Variants in CCDC85A observed in about 807,000 individuals in gnomAD.
CCDC85A encodes the protein coiled-coil domain-containing protein 85A.
CCDC85A carries 38 observed loss-of-function variants against 50.2 expected under a neutral mutation model. The ratio of observed to expected loss-of-function variants is 0.76; its 90% confidence interval spans 0.58 to 0.99. The LOEUF (loss-of-function observed/expected upper bound fraction) is 0.99. Among genes scored for constraint, CCDC85A ranks in the 50% least tolerant of loss-of-function variants. The probability of loss-of-function intolerance (pLI) is 0.00; values close to 1 mark genes in which losing one functional copy is unlikely to be tolerated. For missense variants in CCDC85A, 820 were observed against 742.0 expected, an observed-to-expected ratio of 1.11 and a Z score of -1.22; for synonymous variants, 366 against 301.4, an observed-to-expected ratio of 1.21 and a Z score of -2.22.
At chr2:56,361,617 A>G (rs1675530801) in intron 3 of CCDC85A, among the ~76,000 whole-genome samples, 1 of 152,234 alleles carries the variant, frequency 6.6e-6, no homozygotes, top group African/African-American at 2.4e-5. Context: ...GGAAAAGAGT[A>G]TTCCTGGAAG....
chr2:56,231,316 GA>G (rs1291615602), intron 2 of CCDC85A, among the ~76,000 whole-genome samples: 1 of 152,212 alleles, frequency 6.6e-6, no homozygotes, highest in African/African-American at 2.4e-5. Flanking sequence ...GCCTTTTATA[GA>G]AAGTCTCTCA....
At chr2:56,364,877 T>C (rs968923156) in intron 3 of CCDC85A, among the ~76,000 whole-genome samples, 2 of 152,224 alleles carry the variant, frequency 1.3e-5, no homozygotes, top group African/African-American at 4.8e-5. Context: ...TCTTTGTTGA[T>C]CTCCTAATTG....
chr2:56,291,703 T>C (rs1442493138), intron 2 of CCDC85A, among the ~76,000 whole-genome samples: 2 of 151,644 alleles, frequency 1.3e-5, no homozygotes, highest in Admixed American at 6.6e-5. Context: ...GTTGGAAATG[T>C]AGATAGAACA....
chr2:56,269,639 C>G (rs1397111877), intron 2 of CCDC85A, among the ~76,000 whole-genome samples: 1 of 152,122 alleles, frequency 6.6e-6, no homozygotes, highest in African/African-American at 2.4e-5. Flanking sequence ...ATCTCTCAGG[C>G]TCACATTCAG....
intron 2 of CCDC85A, among the ~76,000 whole-genome samples, chr2:56,233,928 A>T (rs1668886175): frequency 6.6e-6 from 1 of 152,110 alleles, no homozygotes; most frequent in Non-Finnish European, 1.5e-5. Flanking sequence ...CAGAAAGGGG[A>T]AAAGTTGGCT....
rs1675934748 is a variant in CCDC85A, at chr2:56,184,891, C to G, written c.267C>G (p.Arg89=). ...TGCAGCTGCACCTCGGCGAGATCCG[C>G]GGCCTCAAGGTGAGCGCGGGCCAGG... The part of the protein sequence containing the change: ...RRLQLHLGEI[R]GLKDINQKLQ... Residue 89 remains arginine (R), a synonymous_variant, in exon 1 of 6, where the codon CGC becomes CGG. Transcript: ENST00000407595. 1 of 1,518,974 alleles carries G rather than the reference C, an allele frequency of 6.6e-7. No homozygotes were observed. Among genetic ancestry groups the G allele is most frequent in the African/African-American group, 1.4e-5 (1 of 70,434 alleles). The allele number at this position is 1,518,974 out of a possible 1,614,324, so 94.1% of individuals were successfully genotyped here.
Position 56,189,297 on chromosome 2 carries a change from G to GTTTTTTTTTTTTTTTTTTTTTTTT in CCDC85A, c.277-3165_277-3164insTTTTTTTTTTTTTTTTTTTTTTTT, listed in dbSNP as rs70955011. On this transcript the variant is annotated intron_variant, in intron 1 of 5. Transcript: ENST00000407595. ...AAAACATGCACGGGGTATTTTTGGT[G>GTTTTTTTTTTTTTTTTTTTTTTTT]TTTTTTTTTTTTTTTGAGACAAGGT... is the stretch of plus-strand genomic sequence containing the variant. 1.5e-3 allele frequency among the ~76,000 whole-genome samples: 188 copies of GTTTTTTTTTTTTTTTTTTTTTTTT among 121,880 alleles called. 15 individuals are homozygous for GTTTTTTTTTTTTTTTTTTTTTTTT. Among genetic ancestry groups the GTTTTTTTTTTTTTTTTTTTTTTTT allele is most frequent in the African/African-American group, 6.0e-3 (175 of 29,154 alleles). The allele number at this position is 121,880 out of a possible 152,430, so 80.0% of individuals were successfully genotyped here.
rs372021903 is a variant in CCDC85A at position 56,332,138 on chromosome 2, A to G, written c.1241-10741A>G. On this transcript the variant is annotated intron_variant, in intron 2 of 5. Transcript: ENST00000407595. Reference sequence around the variant, plus strand: ...CCTTCCAGTGGGCATATGTAACCAAAAGAGAACCTTATTAAGCAGATTTCT... The same window carrying G: ...CCTTCCAGTGGGCATATGTAACCAAGAGAGAACCTTATTAAGCAGATTTCT... 5.3e-4 allele frequency among the ~76,000 whole-genome samples: 80 copies of G among 152,316 alleles called. 1 individual carries two copies. Among genetic ancestry groups the G allele is most frequent in the African/African-American group, 1.8e-3 (73 of 41,576 alleles).
chr2:56,274,638 C>G (rs1670846916), intron 2 of CCDC85A, among the ~76,000 whole-genome samples: 2 of 152,206 alleles, frequency 1.3e-5, no homozygotes, highest in African/African-American at 2.4e-5. Context: ...ACCTTCACAG[C>G]AGCATCTAGA....
intron 2 of CCDC85A, among the ~76,000 whole-genome samples, chr2:56,251,102 C>T (rs1015203822): frequency 3.3e-5 from 5 of 152,174 alleles, no homozygotes; most frequent in African/African-American, 7.2e-5. Context: ...GTTCTTTCCT[C>T]CCCCAGAGGT....
intron 2 of CCDC85A, among the ~76,000 whole-genome samples, chr2:56,294,162 T>C (rs1443255021): frequency 6.6e-6 from 1 of 152,138 alleles, no homozygotes; most frequent in Non-Finnish European, 1.5e-5. Flanking sequence ...CTGGAAGCCA[T>C]TATCCTCAGC....
chr2:56,301,996 C>T (rs557456918), intron 2 of CCDC85A, among the ~76,000 whole-genome samples: 17 of 152,304 alleles, frequency 1.1e-4, no homozygotes, highest in African/African-American at 2.9e-4. Flanking sequence ...TGGCTCACGC[C>T]TGTAATCCCA....
At chr2:56,368,244 C>G (rs993211497) in intron 3 of CCDC85A, among the ~76,000 whole-genome samples, 52 of 152,106 alleles carry the variant, frequency 3.4e-4, no homozygotes, top group African/African-American at 1.3e-3. Flanking sequence ...ATGCACTTTT[C>G]TTTGGATATA....
chr2:56,323,143 G>A (rs1673293538), intron 2 of CCDC85A, among the ~76,000 whole-genome samples: 1 of 152,076 alleles, frequency 6.6e-6, no homozygotes, highest in Admixed American at 6.6e-5. Flanking sequence ...AGGGCCTGTT[G>A]TGGGGTGGGT....
chr2:56,185,016 C>T (rs1188512671), intron 1 of CCDC85A, 116 bp downstream of exon 1: 1 of 1,268,538 alleles, frequency 7.9e-7, no homozygotes, highest in Non-Finnish European at 1.0e-6. Flanking sequence ...TCCCCTTCTC[C>T]CGGTCGGCAC....
At chr2:56,236,186 A>G (rs979927454) in intron 2 of CCDC85A, among the ~76,000 whole-genome samples, 3 of 152,178 alleles carry the variant, frequency 2.0e-5, no homozygotes, top group Non-Finnish European at 4.4e-5. Context: ...ATTGGGAAAA[A>G]TGAAGGAAAG....
At chr2:56,337,607 A>C (rs1374153427) in intron 2 of CCDC85A, among the ~76,000 whole-genome samples, 1 of 152,120 alleles carries the variant, frequency 6.6e-6, no homozygotes, top group Non-Finnish European at 1.5e-5. Flanking sequence ...TGGCCTATCA[A>C]AATTCTATTG....
At chr2:56,337,771 A>T (rs1361003943) in intron 2 of CCDC85A, among the ~76,000 whole-genome samples, 1 of 150,736 alleles carries the variant, frequency 6.6e-6, no homozygotes, top group Non-Finnish European at 1.5e-5. Flanking sequence ...AGTTTCTTGA[A>T]TATAGGCTCC....
chr2:56,383,876 G>T (rs1558669502), intron 5 of CCDC85A: 1 of 511,096 alleles, frequency 2.0e-6, no homozygotes, highest in Non-Finnish European at 2.5e-6. Flanking sequence ...TACTTTTAGA[G>T]CTTTTTTTAA....
Sources: gnomAD v4.1 joint callset for allele counts (sites outside exome capture counted in the v4.1 genomes callset) on GRCh38, gnomAD v4.1.1 for gene constraint, MANE v1.5 for transcripts, NCBI Gene and HGNC (gene_info 2026-07-23, HGNC 2026-07-21) for gene names.